Variants in FBXL7 observed in about 807,000 individuals in gnomAD.
FBXL7 encodes F-box and leucine rich repeat protein 7.
FBXL7 carries 12 observed loss-of-function variants against 38.3 expected under a neutral mutation model. The ratio of observed to expected loss-of-function variants is 0.31; its 90% CI spans 0.20 to 0.51. The LOEUF (loss-of-function observed/expected upper bound fraction) is 0.51, where lower values mean the gene tolerates loss of function less well. FBXL7 is among the 20% of genes least tolerant of loss of function. The pLI is 0.98. For synonymous variants in FBXL7, 297 were observed against 300.9 expected, an observed-to-expected ratio of 0.99 and a Z score of 0.13; for missense variants, 567 against 676.4, an observed-to-expected ratio of 0.84 and a Z score of 1.79.
chr5:15,597,585 G>T (rs1299052890), intron 1 of FBXL7, among the ~76,000 whole-genome samples: 1 of 151,032 alleles, frequency 6.6e-6, no homozygotes, highest in African/African-American at 2.4e-5. Context: ...TTCCAACACA[G>T]TTTTACAAGA....
intron 1 of FBXL7, among the ~76,000 whole-genome samples, chr5:15,507,796 C>T (rs1736686432): frequency 6.6e-6 from 1 of 152,140 alleles, no homozygotes; most frequent in South Asian, 2.1e-4. Flanking sequence ...ATAATCCCAG[C>T]ACTTTGGGAG....
rs538675829 is a variant in FBXL7, at chr5:15,805,409, T to A, written c.128-122481T>A. ...CAAATAGATATCCACACTCTTTAAA[T>A]TGGGTTAACTGTGAATTTGGAGTTT... On this transcript the variant is annotated intron_variant, in intron 2 of 3. Coordinates refer to ENST00000504595, the MANE Select transcript of FBXL7 (RefSeq NM_012304.5). Among the ~76,000 whole-genome samples the A allele has an allele frequency of 2.6e-5, 4 of 152,330 alleles. No homozygotes were observed. In the East Asian group the frequency reaches 7.7e-4, roughly 29 times the overall value.
intron 1 of FBXL7, among the ~76,000 whole-genome samples, chr5:15,515,203 T>TC (rs1736901548): frequency 6.6e-6 from 1 of 152,200 alleles, no homozygotes; most frequent in Non-Finnish European, 1.5e-5. Flanking sequence ...AGGGGAGCCT[T>TC]CAGCTGACAG....
At chr5:15,512,517 T>A (rs1449270567) in intron 1 of FBXL7, among the ~76,000 whole-genome samples, 1 of 152,228 alleles carries the variant, frequency 6.6e-6, no homozygotes, top group Non-Finnish European at 1.5e-5. Context: ...CGTGTCATAT[T>A]TTCTGGGAAC....
chr5:15,783,211 G>A (rs944613899), intron 2 of FBXL7, among the ~76,000 whole-genome samples: 1 of 152,186 alleles, frequency 6.6e-6, no homozygotes, highest in Admixed American at 6.5e-5. Context: ...TGAGAAAGTG[G>A]CAGGGTGAAG....
Position 15,652,961 on chromosome 5 carries a change from T to C in FBXL7, c.127+36889T>C, listed in dbSNP as rs573809829. Reference sequence around the variant, plus strand: ...CCTGATGTGATTATTACACATTGTATGCCTGTTTCAAAGTATCTCATGTGC... The same window carrying C: ...CCTGATGTGATTATTACACATTGTACGCCTGTTTCAAAGTATCTCATGTGC... On this transcript the variant is annotated intron_variant, in intron 2 of 3. Transcript: ENST00000504595. Among the ~76,000 whole-genome samples, 24 of 152,350 alleles carry C rather than the reference T, an allele frequency of 1.6e-4. 1 individual carries two copies. In the South Asian group the frequency reaches 4.8e-3, roughly 30 times the overall value.
At chr5:15,880,721 T>TTA (rs3034531) in intron 2 of FBXL7, among the ~76,000 whole-genome samples, 83,288 of 143,124 alleles carry the variant, frequency 0.58, 24,442 homozygotes, top group East Asian at 0.65. Context: ...ATATACTATA[T>TTA]TATATATATA....
At chr5:15,740,752 G>C (rs1241216842) in intron 2 of FBXL7, among the ~76,000 whole-genome samples, 2 of 152,094 alleles carry the variant, frequency 1.3e-5, no homozygotes, top group African/African-American at 4.8e-5. Context: ...AAAACCAATA[G>C]AGAAGAAATC....
rs759774703 is a variant in FBXL7, at chr5:15,826,818, A to T, written c.128-101072A>T. The stretch of plus-strand genomic sequence containing the variant: ...TTTCAGTACTATCAAAAATAATGTT[A>T]AAATGAGGAGAGTCTTGAAATAACA... On this transcript the variant is annotated intron_variant, in intron 2 of 3. Coordinates refer to ENST00000504595, the MANE Select transcript of FBXL7 (RefSeq NM_012304.5). 2.4e-4 allele frequency among the ~76,000 whole-genome samples: 36 copies of T among 152,192 alleles called. 1 individual carries two copies. Among genetic ancestry groups the T allele is most frequent in the Non-Finnish European group, 7.3e-5 (5 of 68,046 alleles).
At chr5:15,555,790 G>GATAGATAGATAA (rs1554005481) in intron 1 of FBXL7, among the ~76,000 whole-genome samples, 9 of 146,556 alleles carry the variant, frequency 6.1e-5, no homozygotes, top group Admixed American at 1.4e-4. Flanking sequence ...AGATGAGATA[G>GATAGATAGATAA]ATAGATAGAT....
At chr5:15,895,226 C>T (rs1038090911) in intron 2 of FBXL7, among the ~76,000 whole-genome samples, 2 of 152,044 alleles carry the variant, frequency 1.3e-5, no homozygotes, top group Non-Finnish European at 2.9e-5. Context: ...AAAATGATTA[C>T]CGATGAGTGA....
Position 15,771,641 on chromosome 5 carries a change from A to G in FBXL7, c.127+155569A>G, listed in dbSNP as rs147045582. On this transcript the variant is annotated intron_variant, in intron 2 of 3. Transcript: ENST00000504595. ...TTGTAAAAAAGCTGGGTGCTACTCA[A>G]TGTAGGTATTACTGAGGTACAGTCT... 3.1e-3 allele frequency among the ~76,000 whole-genome samples: 476 copies of G among 152,258 alleles called. 3 individuals carry two copies. Among genetic ancestry groups the G allele is most frequent in the African/African-American group, 0.011 (453 of 41,560 alleles).
intron 1 of FBXL7, among the ~76,000 whole-genome samples, chr5:15,572,772 A>G (rs1738833750): frequency 6.6e-6 from 1 of 152,266 alleles, no homozygotes; most frequent in South Asian, 2.1e-4. Flanking sequence ...TGCAACCTAT[A>G]GTCTGTCTTC....
chr5:15,675,840 A>G (rs1011396419), intron 2 of FBXL7, among the ~76,000 whole-genome samples: 2 of 152,346 alleles, frequency 1.3e-5, no homozygotes, highest in South Asian at 2.1e-4. Context: ...GAAGGACTGT[A>G]TAATTGTGTT....
intron 2 of FBXL7, among the ~76,000 whole-genome samples, chr5:15,689,092 C>A (rs1018448993): frequency 1.3e-5 from 2 of 152,312 alleles, no homozygotes; most frequent in African/African-American, 4.8e-5. Flanking sequence ...GCCCTGGCAC[C>A]TAGCGGGAAC....
intron 2 of FBXL7, among the ~76,000 whole-genome samples, chr5:15,673,817 A>C (rs1579367097): frequency 6.6e-6 from 1 of 152,104 alleles, no homozygotes; most frequent in African/African-American, 2.4e-5. Flanking sequence ...AGCTTTAAAG[A>C]ACAGGGGTCT....
intron 2 of FBXL7, among the ~76,000 whole-genome samples, chr5:15,684,405 T>G (rs1422070491): frequency 6.6e-6 from 1 of 152,074 alleles, no homozygotes; most frequent in Non-Finnish European, 1.5e-5. Context: ...AAAGGGTAAA[T>G]AGGAGTATTG....
intron 1 of FBXL7, among the ~76,000 whole-genome samples, chr5:15,597,968 T>C (rs1430052564): frequency 6.6e-6 from 1 of 152,246 alleles, no homozygotes; most frequent in African/African-American, 2.4e-5. Context: ...TTTTGCTTAA[T>C]GTATCTCCTT....
intron 2 of FBXL7, among the ~76,000 whole-genome samples, chr5:15,714,349 C>T (rs1010258702): frequency 2.6e-5 from 4 of 152,198 alleles, no homozygotes; most frequent in Non-Finnish European, 5.9e-5. Flanking sequence ...TCTTCCATGA[C>T]TGTGAGATTC....
Sources: gnomAD v4.1 joint callset for allele counts (sites outside exome capture counted in the v4.1 genomes callset) on GRCh38, gnomAD v4.1.1 for gene constraint, MANE v1.5 for transcripts, NCBI Gene and HGNC (gene_info 2026-07-23, HGNC 2026-07-21) for gene names.